TGFBR3: variants seen among roughly 807,000 people sequenced by gnomAD.
The protein encoded by TGFBR3 is transforming growth factor beta receptor type 3.
TGFBR3 carries 46 observed loss-of-function variants against 87.9 expected under a neutral mutation model. That is an observed-to-expected ratio of 0.52 (90% CI 0.41 to 0.67). The LOEUF (loss-of-function observed/expected upper bound fraction) is 0.67. Ranked by LOEUF, TGFBR3 falls within the 30% of genes least tolerant of loss-of-function variation. The probability of loss-of-function intolerance (pLI) is 0.00; values close to 1 mark genes in which losing one functional copy is unlikely to be tolerated. For synonymous variants in TGFBR3, 381 were observed against 391.6 expected (o/e 0.97, Z 0.32); for missense variants, 866 against 1,041.9 (o/e 0.83, Z 2.32).
chr1:91,681,240 A>G lies in TGFBR3; in HGVS notation c.*2499T>C, dbSNP rs1396793011. On this transcript the variant is annotated 3_prime_UTR_variant, in exon 17 of 17. Coordinates refer to ENST00000212355, the MANE Select transcript of TGFBR3 (RefSeq NM_003243.5). Reference sequence around the variant, plus strand: ...TGTAATGAGAAGCTAGGGAGAAAATACCTTATTTTTTTCATGTTCATTTTT... The same window carrying G: ...TGTAATGAGAAGCTAGGGAGAAAATGCCTTATTTTTTTCATGTTCATTTTT... 79 of 443,160 alleles carry G rather than the reference A, an allele frequency of 1.8e-4. No individual in the cohort carries two copies. Among genetic ancestry groups the G allele is most frequent in the Non-Finnish European group, 9.0e-6 (2 of 222,758 alleles). 27.5% of individuals were successfully genotyped at this position (443,160 alleles called of 1,614,324 possible).
intron 16 of TGFBR3, among the ~76,000 whole-genome samples, chr1:91,691,153 A>T (rs1032793381): frequency 6.6e-6 from 1 of 152,172 alleles, no homozygotes; most frequent in Non-Finnish European, 1.5e-5. Flanking sequence ...AAAACAGGAA[A>T]GAAAGGAAAA....
At chr1:91,865,194 C>A in intron 1 of TGFBR3, among the ~76,000 whole-genome samples, 1 of 98,200 alleles carries the variant, frequency 1.0e-5, no homozygotes, top group Non-Finnish European at 1.9e-5. Flanking sequence ...CAGAGTGAGA[C>A]TCCATCTCAA....
chr1:91,767,896 A>T (rs930092869), intron 3 of TGFBR3, among the ~76,000 whole-genome samples: 1 of 152,142 alleles, frequency 6.6e-6, no homozygotes, highest in African/African-American at 2.4e-5. Context: ...AGAAAAAAAA[A>T]AAAAAAGCCA....
chr1:91,787,750 G>C (rs892329172), intron 3 of TGFBR3, among the ~76,000 whole-genome samples: 1 of 152,032 alleles, frequency 6.6e-6, no homozygotes, highest in Admixed American at 6.5e-5. Flanking sequence ...CAAGGCGAGT[G>C]GATCACTTGA....
At chr1:91,902,344 T>A (rs1015182602) in intron 1 of TGFBR3, among the ~76,000 whole-genome samples, 1 of 151,638 alleles carries the variant, frequency 6.6e-6, no homozygotes, top group Non-Finnish European at 1.5e-5. Flanking sequence ...AGTGGCATGA[T>A]CATAGCTCAC....
chr1:91,730,092 G>T, intron 5 of TGFBR3, 119 bp from the exon 6 acceptor site: 1 of 1,153,348 alleles, frequency 8.7e-7, no homozygotes, highest in Non-Finnish European at 1.3e-6. Flanking sequence ...CGAGCTCAAA[G>T]GATGGTTCTT....
At chr1:91,845,562 A>G (rs1557740965) in intron 2 of TGFBR3, among the ~76,000 whole-genome samples, 1 of 152,220 alleles carries the variant, frequency 6.6e-6, no homozygotes, top group Non-Finnish European at 1.5e-5. Flanking sequence ...GACTTCTATT[A>G]TTTGTCTACA....
chr1:91,827,708 A>G (rs1034723622), intron 2 of TGFBR3, among the ~76,000 whole-genome samples: 9 of 152,220 alleles, frequency 5.9e-5, no homozygotes, highest in Admixed American at 2.6e-4. Context: ...CTGAATGACT[A>G]CAGGAAATAT....
chr1:91,737,681 T>C (rs1166563602), intron 4 of TGFBR3, among the ~76,000 whole-genome samples: 2 of 152,128 alleles, frequency 1.3e-5, no homozygotes, highest in African/African-American at 4.8e-5. Context: ...AGACTTCAGG[T>C]GTTTAAAGGT....
At position 91,882,524 on chromosome 1, in the gene TGFBR3, C is replaced by A. The variant is rs138453098; in HGVS notation, c.-114+3354G>T. ...CTTTGGGAGGCTGAGGTAGGCGGAT[C>A]ACAAGGTCAGGAGATCGAGACCTTC... On this transcript the variant is annotated intron_variant, in intron 1 of 16. Coordinates refer to ENST00000212355, the MANE Select transcript of TGFBR3 (RefSeq NM_003243.5). Among the ~76,000 whole-genome samples the A allele has an allele frequency of 9.1e-3, 1,389 of 152,030 alleles. 20 individuals carry two copies. Among genetic ancestry groups the A allele is most frequent in the African/African-American group, 0.031 (1,291 of 41,516 alleles).
At chr1:91,859,796 C>A (rs1379094844) in intron 2 of TGFBR3, among the ~76,000 whole-genome samples, 1 of 151,498 alleles carries the variant, frequency 6.6e-6, no homozygotes, top group Non-Finnish European at 1.5e-5. Context: ...GTAGTCCCAG[C>A]TACTCGGAAG....
chr1:91,890,655 T>C (rs1679425454), upstream of TGFBR3, among the ~76,000 whole-genome samples: 1 of 151,684 alleles, frequency 6.6e-6, no homozygotes, highest in Admixed American at 6.6e-5. Flanking sequence ...CCTGACCTCG[T>C]GATCCACCTG....
At chr1:91,777,297 G>A (rs529948895) in intron 3 of TGFBR3, among the ~76,000 whole-genome samples, 1 of 152,310 alleles carries the variant, frequency 6.6e-6, no homozygotes, top group East Asian at 1.9e-4. Context: ...GACCTGTGGT[G>A]TTCAGCTGAA....
chr1:91,881,017 G>A (rs953144197), intron 1 of TGFBR3, among the ~76,000 whole-genome samples: 2 of 151,908 alleles, frequency 1.3e-5, no homozygotes, highest in South Asian at 2.1e-4. Context: ...ACAAAAAGAT[G>A]TTTCAAAATG....
chr1:91,711,455 C>T (rs284867), intron 13 of TGFBR3, among the ~76,000 whole-genome samples: 142,299 of 152,284 alleles, frequency 0.93, 66,592 homozygotes, highest in Admixed American at 0.94. Flanking sequence ...TTATTAATAA[C>T]ACTGCTTGAT....
At chr1:91,780,266 G>C (rs1196476664) in intron 3 of TGFBR3, among the ~76,000 whole-genome samples, 1 of 152,190 alleles carries the variant, frequency 6.6e-6, no homozygotes, top group Admixed American at 6.5e-5. Context: ...AAACGTACAG[G>C]TGTGGATAAA....
intron 2 of TGFBR3, among the ~76,000 whole-genome samples, chr1:91,806,956 C>A (rs1675858059): frequency 6.6e-6 from 1 of 152,180 alleles, no homozygotes; most frequent in African/African-American, 2.4e-5. Flanking sequence ...CAGCCAATAG[C>A]ACTGCCTCAC....
At chr1:91,785,061 T>C (rs950933839) in intron 3 of TGFBR3, among the ~76,000 whole-genome samples, 3 of 152,318 alleles carry the variant, frequency 2.0e-5, no homozygotes, top group East Asian at 1.9e-4. Flanking sequence ...GCTTTAAAAC[T>C]AATAAAACTT....
At chr1:91,744,486 C>T (rs1288416035) in intron 4 of TGFBR3, among the ~76,000 whole-genome samples, 9 of 152,184 alleles carry the variant, frequency 5.9e-5, no homozygotes, top group Non-Finnish European at 1.5e-5. Flanking sequence ...TCTAGAGCCT[C>T]CTCCAATTTG....
Sources: allele counts gnomAD v4.1 joint callset (sites outside exome capture counted in the v4.1 genomes callset), GRCh38; gene constraint gnomAD v4.1.1; transcripts MANE v1.5; gene names NCBI Gene and HGNC (gene_info 2026-07-23, HGNC 2026-07-21).